COL14A1: variants seen among roughly 807,000 people sequenced by gnomAD.
COL14A1 encodes collagen type XIV alpha 1 chain.
In COL14A1, 136 loss-of-function variants were observed where a neutral mutation model predicts 230.3. The observed-to-expected ratio is 0.59, with a 90% CI of 0.51 to 0.68. The LOEUF (loss-of-function observed/expected upper bound fraction) is 0.68, where lower values mean the gene tolerates loss of function less well. COL14A1 is among the 30% of genes least tolerant of loss of function. The pLI is 0.00. For missense variants in COL14A1, 1,976 were observed against 2,215.8 expected (o/e 0.89, Z 2.17); for synonymous variants, 792 against 784.1 (o/e 1.01, Z -0.17).
intron 18 of COL14A1, among the ~76,000 whole-genome samples, chr8:120,230,334 A>G (rs1307093576): frequency 2.0e-5 from 3 of 152,058 alleles, no homozygotes; most frequent in African/African-American, 7.2e-5. Flanking sequence ...GTCAGAGTCA[A>G]CTTGGTAAAA....
chr8:120,152,305 CA>C (rs753920221), intron 2 of COL14A1, among the ~76,000 whole-genome samples: 5 of 150,610 alleles, frequency 3.3e-5, no homozygotes, highest in Non-Finnish European at 5.9e-5. Flanking sequence ...ACTAAAAATA[CA>C]AAAAAAATTA....
intron 19 of COL14A1, among the ~76,000 whole-genome samples, chr8:120,236,817 T>C (rs1353037228): frequency 6.6e-6 from 1 of 152,130 alleles, no homozygotes; most frequent in African/African-American, 2.4e-5. Flanking sequence ...GGCCTGGGGG[T>C]GAAAAAATCC....
intron 42 of COL14A1, among the ~76,000 whole-genome samples, chr8:120,333,433 G>C (rs1294868813): frequency 2.0e-5 from 3 of 152,192 alleles, no homozygotes; most frequent in Non-Finnish European, 4.4e-5. Flanking sequence ...TCTAGGTTTA[G>C]ATGTTAGTCA....
intron 14 of COL14A1, among the ~76,000 whole-genome samples, chr8:120,223,530 T>A (rs1041425944): frequency 6.6e-6 from 1 of 151,942 alleles, no homozygotes; most frequent in Non-Finnish European, 1.5e-5. Flanking sequence ...ATTAGCCGGA[T>A]CTGGTGGCGC....
intron 34 of COL14A1, among the ~76,000 whole-genome samples, chr8:120,292,892 G>A (rs1284059806): frequency 6.6e-6 from 1 of 151,970 alleles, no homozygotes; most frequent in African/African-American, 2.4e-5. Flanking sequence ...GTAACTACTC[G>A]ATAGAAATTA....
At chr8:120,217,895 C>G (rs1383707051) in intron 14 of COL14A1, among the ~76,000 whole-genome samples, 1 of 149,058 alleles carries the variant, frequency 6.7e-6, no homozygotes, top group African/African-American at 2.5e-5. Flanking sequence ...AGCAGACACA[C>G]CTGCAAAGAA....
Position 120,203,756 on chromosome 8 carries a change from C to T in COL14A1, c.925C>T (p.Pro309Ser), listed in dbSNP as rs1335318478. ...TGAGCTGCAGGAGATCGCCTCTGAA[C>T]CAGACAGCACTCATGTGTACAATGT... Reference protein sequence around the residue: ...VNELQEIASEPDSTHVYNVAE... With the variant: ...VNELQEIASESDSTHVYNVAE... Residue 309 changes from proline to serine, a missense_variant, in exon 9 of 48, where the codon CCA (proline) becomes TCA (serine). Around this residue, in one of 3 missense-constraint regions of COL14A1, gnomAD observed 1,791 missense variants for 2,019.5 expected, o/e 0.89. Transcript: ENST00000297848. 6.2e-7 allele frequency: 1 copy of T among 1,613,838 alleles called. No homozygotes were observed.
intron 14 of COL14A1, among the ~76,000 whole-genome samples, chr8:120,218,904 T>C (rs904456593): frequency 2.0e-5 from 3 of 152,034 alleles, no homozygotes; most frequent in Non-Finnish European, 4.4e-5. Flanking sequence ...TTTAAAAGAG[T>C]TGACTCATTG....
chr8:120,325,843 A>ATT (rs1480106076), intron 40 of COL14A1, among the ~76,000 whole-genome samples: 1 of 152,088 alleles, frequency 6.6e-6, no homozygotes, highest in East Asian at 1.9e-4. Flanking sequence ...CACATCTTAG[A>ATT]TTAGCTCCTT....
intron 5 of COL14A1, among the ~76,000 whole-genome samples, chr8:120,192,512 C>A (rs1456172727): frequency 4.6e-5 from 7 of 152,266 alleles, no homozygotes; most frequent in African/African-American, 1.2e-4. Context: ...GTGAATCTGA[C>A]AATTATGTAT....
chr8:120,346,212 C>T (rs1213962208), intron 45 of COL14A1, among the ~76,000 whole-genome samples: 1 of 123,516 alleles, frequency 8.1e-6, no homozygotes, highest in East Asian at 2.2e-4. Flanking sequence ...AACAGAGATT[C>T]TACTTAGCCT....
At position 120,191,476 on chromosome 8, in the gene COL14A1, A is replaced by G. The variant is rs1228813729; in HGVS notation, c.437-5315A>G. On this transcript the variant is annotated intron_variant, in intron 5 of 47. Transcript: ENST00000297848. ...AGCTTTACTTCCAACTATGTGGTCA[A>G]TTTTGGAATAGGTGTGGTGTGGTGC... Among the ~76,000 whole-genome samples the G allele has an allele frequency of 2.7e-5, 4 of 150,312 alleles. No individual in the cohort carries two copies. In the East Asian group the frequency reaches 5.9e-4, roughly 22 times the overall value.
In COL14A1 at chr8:120,372,879, A is replaced by G. The variant is rs1230969082; in HGVS notation, c.*1648A>G. 2.0e-5 allele frequency among the ~76,000 whole-genome samples: 3 copies of G among 152,108 alleles called. No individual in the cohort carries two copies. The highest frequency in any genetic ancestry group is 4.8e-5 in the African/African-American group (2 of 41,410). ...AGTTTTTTTGGTGTCTTTGCAGGGA[A>G]TGAAAGAAGATAATGAGCAGATAAT... On this transcript the variant is annotated 3_prime_UTR_variant, in exon 48 of 48. Coordinates refer to ENST00000297848, the MANE Select transcript of COL14A1 (RefSeq NM_021110.4).
intron 26 of COL14A1, among the ~76,000 whole-genome samples, chr8:120,271,050 A>G (rs945891961): frequency 2.0e-5 from 3 of 151,864 alleles, no homozygotes; most frequent in Admixed American, 6.6e-5. Context: ...ACAATAAAAA[A>G]GAATGAGCTC....
intron 37 of COL14A1, among the ~76,000 whole-genome samples, chr8:120,310,499 T>G (rs1821002219): frequency 6.6e-6 from 1 of 152,240 alleles, no homozygotes; most frequent in Non-Finnish European, 1.5e-5. Context: ...AACTCTGTTT[T>G]TCATTCTTAC....
At chr8:120,347,556 G>A (rs935034670) in intron 45 of COL14A1, among the ~76,000 whole-genome samples, 2 of 152,132 alleles carry the variant, frequency 1.3e-5, no homozygotes, top group Admixed American at 6.5e-5. Flanking sequence ...CTGCAAGGTA[G>A]GCAGTGATGT....
At chr8:120,175,446 T>C (rs979167785) in intron 5 of COL14A1, among the ~76,000 whole-genome samples, 2 of 152,192 alleles carry the variant, frequency 1.3e-5, no homozygotes, top group Non-Finnish European at 2.9e-5. Context: ...TGTTTTGTTT[T>C]TAATGGATTT....
chr8:120,319,843 CA>C (rs1358993332), intron 40 of COL14A1, among the ~76,000 whole-genome samples: 1 of 151,346 alleles, frequency 6.6e-6, no homozygotes, highest in Non-Finnish European at 1.5e-5. Context: ...CTTTAAAAAG[CA>C]ATAGTGCAAG....
intron 13 of COL14A1, among the ~76,000 whole-genome samples, chr8:120,215,507 A>G (rs950813461): frequency 6.6e-6 from 1 of 152,166 alleles, no homozygotes; most frequent in Non-Finnish European, 1.5e-5. Flanking sequence ...AACCATTTGG[A>G]AGGTTTTGTG....
Sources: allele counts gnomAD v4.1 joint callset (sites outside exome capture counted in the v4.1 genomes callset), GRCh38; gene constraint gnomAD v4.1.1; regional missense constraint gnomAD v4.1.1; transcripts MANE v1.5; gene names NCBI Gene and HGNC (gene_info 2026-07-23, HGNC 2026-07-21).